CFAP100: variants seen among roughly 807,000 people sequenced by gnomAD.
The protein encoded by CFAP100 is cilia- and flagella-associated protein 100.
A neutral mutation model predicts 81.5 loss-of-function variants in CFAP100; 70 were observed. That is an observed-to-expected ratio of 0.86 (90% CI 0.71 to 1.05). CFAP100 has a LOEUF of 1.05. CFAP100 is among the 50% of genes least tolerant of loss of function. CFAP100 has a pLI of 0.00. For synonymous variants in CFAP100, 341 were observed against 314.8 expected, an observed-to-expected ratio of 1.08 and a Z score of -0.88; for missense variants, 811 against 776.5, an observed-to-expected ratio of 1.04 and a Z score of -0.53.
intron 15 of CFAP100, chr3:126,434,658 A>C: frequency 2.4e-6 from 1 of 419,396 alleles, no homozygotes; most frequent in Non-Finnish European, 4.3e-6. Flanking sequence ...GCTGGAGCTT[A>C]GTTAGAGTGT....
chr3:126,419,275 C>G, intron 8 of CFAP100, 119 bp downstream of exon 8: 1 of 667,690 alleles, frequency 1.5e-6, no homozygotes, highest in Non-Finnish European at 2.6e-6. Context: ...CCCAGGGACT[C>G]TGCTTCCATG....
intron 4 of CFAP100, chr3:126,414,383 G>C (rs1033330923): frequency 7.4e-6 from 5 of 677,878 alleles, no homozygotes; most frequent in Non-Finnish European, 1.3e-5. Context: ...CCATCTTCCC[G>C]TCTGTCACCA....
At chr3:126,421,811 C>A (rs9859308) in intron 11 of CFAP100, among the ~76,000 whole-genome samples, 56,535 of 152,188 alleles carry the variant, frequency 0.37, 10,783 homozygotes, top group African/African-American at 0.44. Flanking sequence ...AGACCAGCCA[C>A]CACTGGGGCA....
intron 2 of CFAP100, 149 bp from the exon 3 acceptor site, chr3:126,407,023 C>G: frequency 1.8e-6 from 1 of 550,206 alleles, no homozygotes; most frequent in Non-Finnish European, 3.3e-6. Context: ...TCAGTGTGAT[C>G]TCTGGGATGT....
In CFAP100 at chr3:126,414,109, AC is replaced by A. The variant is rs1399412431; in HGVS notation, c.158del (p.Pro53LeufsTer37). On this transcript the variant is annotated frameshift_variant, in exon 4 of 17. Coordinates refer to ENST00000352312, the MANE Select transcript of CFAP100 (RefSeq NM_182628.3). LOFTEE classifies it high-confidence loss of function. ...GAACATGGTCCTGACCCTTCAGCGAACCCTTTCCACTTATCTGGGGATGTGG... is the reference window on the plus strand; with the variant it reads ...GAACATGGTCCTGACCCTTCAGCGAACCTTTCCACTTATCTGGGGATGTGG... Reference protein sequence around the residue: ...NEEHGPDPSANPFHLSGDVDF... With the variant: ...NEEHGPDPSAXPFHLSGDVDF... 6.2e-7 allele frequency: 1 copy of A among 1,614,020 alleles called. No homozygotes were observed.
intron 2 of CFAP100, among the ~76,000 whole-genome samples, chr3:126,401,906 G>A (rs911342420): frequency 6.6e-6 from 1 of 152,206 alleles, no homozygotes; most frequent in Non-Finnish European, 1.5e-5. Context: ...TCTGCCTGCA[G>A]GTTTTGCCTC....
chr3:126,418,726 A>G lies in CFAP100; in HGVS notation c.602A>G (p.Asp201Gly). The change falls in exon 7 of 17, where the codon GAC becomes GGC. Residue 201 changes from aspartate (D) to glycine (G), a missense_variant. Asp to Gly is a moderately conservative substitution (Grantham distance 94, BLOSUM62 -1). Transcript: ENST00000352312. ...KSLEKDAALF[D>G]EFVRENDCSS... ...CTGGAGAAGGACGCCGCCTTGTTCG[A>G]CGAGTTCGTCAGGGAGAATGACTGC... 1 of 1,596,462 alleles carries G rather than the reference A, an allele frequency of 6.3e-7. No homozygotes were observed. Among genetic ancestry groups the G allele is most frequent in the Non-Finnish European group, 8.5e-7 (1 of 1,172,102 alleles).
chr3:126,411,056 C>T (rs577322825), intron 3 of CFAP100, among the ~76,000 whole-genome samples: 4 of 152,336 alleles, frequency 2.6e-5, no homozygotes, highest in African/African-American at 7.2e-5. Context: ...ACTCTGTCTT[C>T]GAAGGTAGCA....
At chr3:126,428,164 A>T (rs1307717384) in intron 13 of CFAP100, among the ~76,000 whole-genome samples, 2 of 152,242 alleles carry the variant, frequency 1.3e-5, no homozygotes, top group African/African-American at 4.8e-5. Flanking sequence ...AGAAAATGGA[A>T]TATTTTTCAG....
At chr3:126,402,589 A>C (rs2083002271) in intron 2 of CFAP100, among the ~76,000 whole-genome samples, 1 of 152,002 alleles carries the variant, frequency 6.6e-6, no homozygotes, top group African/African-American at 2.4e-5. Flanking sequence ...AGAGTGACAG[A>C]CTGACAGAGG....
chr3:126,434,674 G>A lies in CFAP100; in HGVS notation c.1628+293G>A, dbSNP rs1933376025. On this transcript the variant is annotated intron_variant, in intron 15 of 16. Coordinates refer to ENST00000352312, the MANE Select transcript of CFAP100 (RefSeq NM_182628.3). Reference sequence around the variant, plus strand: ...CTGGAGCTTAGTTAGAGTGTGGCTAGCACGGTCAGCCTCAAATACATGGAA... The same window carrying A: ...CTGGAGCTTAGTTAGAGTGTGGCTAACACGGTCAGCCTCAAATACATGGAA... 8.2e-6 allele frequency: 3 copies of A among 364,726 alleles called. No homozygotes were observed. In the East Asian group the frequency reaches 1.7e-4, roughly 21 times the overall value. 22.6% of individuals were successfully genotyped at this position (364,726 alleles called of 1,614,324 possible).
chr3:126,419,588 G>C (rs2083295582), intron 8 of CFAP100, 49 bp from the exon 9 acceptor site: 1 of 1,568,254 alleles, frequency 6.4e-7, no homozygotes, highest in Non-Finnish European at 8.7e-7. Flanking sequence ...CCTCGCTGTG[G>C]CAGAGGCTGA....
intron 13 of CFAP100, among the ~76,000 whole-genome samples, chr3:126,426,882 G>C (rs1346981944): frequency 1.3e-5 from 2 of 152,166 alleles, no homozygotes; most frequent in Non-Finnish European, 2.9e-5. Flanking sequence ...ATGTGCAAGT[G>C]GACTTCAAAA....
intron 2 of CFAP100, among the ~76,000 whole-genome samples, chr3:126,401,340 T>C (rs2082975215): frequency 6.7e-6 from 1 of 148,714 alleles, no homozygotes; most frequent in Non-Finnish European, 1.5e-5. Flanking sequence ...TTTTATGTTA[T>C]ATTTATATTT....
chr3:126,436,483 G>A lies in CFAP100; in HGVS notation c.*79G>A, dbSNP rs907166602. On this transcript the variant is annotated 3_prime_UTR_variant, in exon 17 of 17. Transcript: ENST00000352312. ...GGAAGCAGAGACTGGGCTGGGTCTC[G>A]AGTGGCCCAACTGAGTCCTCTCTGT... The A allele has an allele frequency of 1.1e-5, 12 of 1,052,568 alleles. No homozygotes were observed. The highest frequency in any genetic ancestry group is 7.0e-5 in the South Asian group (5 of 71,832). The allele number at this position is 1,052,568 out of a possible 1,614,324, so 65.2% of individuals were successfully genotyped here.
intron 2 of CFAP100, among the ~76,000 whole-genome samples, chr3:126,398,952 C>T (rs1327055016): frequency 6.6e-6 from 1 of 152,164 alleles, no homozygotes; most frequent in Non-Finnish European, 1.5e-5. Context: ...TTCCTGCAGC[C>T]CTGGCCAGGC....
intron 2 of CFAP100, among the ~76,000 whole-genome samples, chr3:126,404,188 C>T (rs1158422180): frequency 6.6e-6 from 1 of 152,200 alleles, no homozygotes; most frequent in Non-Finnish European, 1.5e-5. Context: ...CCTTTGTGAC[C>T]TGTTAGAGTG....
intron 2 of CFAP100, among the ~76,000 whole-genome samples, chr3:126,400,589 TA>T (rs1479145427): frequency 6.6e-6 from 1 of 151,950 alleles, no homozygotes; most frequent in Admixed American, 6.6e-5. Flanking sequence ...CTGTCTCTAC[TA>T]AAAATACAAA....
intron 5 of CFAP100, chr3:126,418,141 G>A (rs2083271743): frequency 9.0e-6 from 3 of 331,552 alleles, no homozygotes; most frequent in Admixed American, 4.6e-5. Context: ...AAGTCCAGCT[G>A]GGTGAAATTT....
Sources: allele counts gnomAD v4.1 joint callset (sites outside exome capture counted in the v4.1 genomes callset), GRCh38; gene constraint gnomAD v4.1.1; transcripts MANE v1.5; gene names NCBI Gene and HGNC (gene_info 2026-07-23, HGNC 2026-07-21).